The following VPS72 variants were observed in gnomAD, a reference collection of about 807,000 sequenced individuals.
VPS72 encodes the protein vacuolar protein sorting-associated protein 72 homolog.
VPS72 carries 27 observed loss-of-function variants against 38.9 expected under a neutral mutation model. The ratio of observed to expected loss-of-function variants is 0.69; its 90% CI spans 0.51 to 0.96. The LOEUF is 0.96. VPS72 is among the 40% of genes least tolerant of loss of function. The pLI, the probability that VPS72 is intolerant of heterozygous loss-of-function variation, is 0.00. For missense variants in VPS72, 360 were observed against 479.5 expected, an observed-to-expected ratio of 0.75 and a Z score of 2.33; for synonymous variants, 173 against 186.3, an observed-to-expected ratio of 0.93 and a Z score of 0.58.
rs1300110397 is a variant in VPS72 at position 151,176,931 on chromosome 1, C to T, written c.808G>A (p.Asp270Asn). ...RCSRTFITFSDDATFEEWFPQ... is the reference protein window; with the variant it reads ...RCSRTFITFSNDATFEEWFPQ... ...AACCATTCCTCGAAAGTTGCATCAT[C>T]ACTAAAAGTGATGAAGGTACGTGAG... The change falls in exon 6 of 6, where the codon GAT becomes AAT. Residue 270 changes from aspartate (D) to asparagine (N), a missense_variant. Coordinates refer to ENST00000368892, the MANE Select transcript of VPS72 (RefSeq NM_005997.3). The T allele has an allele frequency of 1.2e-6, 2 of 1,613,596 alleles. No homozygotes were observed. Among genetic ancestry groups the T allele is most frequent in the Non-Finnish European group, 1.7e-6 (2 of 1,179,720 alleles).
intron 2 of VPS72, 57 bp from the exon 3 acceptor site, chr1:151,185,677 G>A: frequency 2.5e-5 from 41 of 1,608,636 alleles, no homozygotes; most frequent in Non-Finnish European, 3.3e-5. Context: ...AGAAATATGA[G>A]GATCTCAATG....
rs587632948 is a variant in VPS72 at position 151,186,276 on chromosome 1, C to T, written c.118-326G>A. On this transcript the variant is annotated intron_variant, in intron 1 of 5. Coordinates refer to ENST00000368892, the MANE Select transcript of VPS72 (RefSeq NM_005997.3). The stretch of plus-strand genomic sequence containing the variant: ...TTTTTTTTTTTTGAGATGTGGATCT[C>T]GAACAGGCTTGGTGGCTCACGCCTG... 8.6e-5 allele frequency among the ~76,000 whole-genome samples: 13 copies of T among 151,310 alleles called. No individual in the cohort carries two copies. The South Asian group carries it at 1.9e-3, about 22-fold the overall frequency.
chr1:151,184,193 T>C, intron 4 of VPS72, 124 bp downstream of exon 4: 1 of 1,325,806 alleles, frequency 7.5e-7, no homozygotes, highest in Non-Finnish European at 1.0e-6. Flanking sequence ...CTCTCCGCCA[T>C]TTCTTCCTTC....
At chr1:151,186,008 G>C in intron 1 of VPS72, 58 bp from the exon 2 acceptor site, 1 of 1,589,732 alleles carries the variant, frequency 6.3e-7, no homozygotes, top group Non-Finnish European at 8.6e-7. Flanking sequence ...GCCCCTTCAG[G>C]AGGAACAGAA....
chr1:151,187,394 T>C (rs747824869), intron 1 of VPS72, among the ~76,000 whole-genome samples: 7 of 152,212 alleles, frequency 4.6e-5, no homozygotes, highest in Non-Finnish European at 8.8e-5. Context: ...TTTGCACTGA[T>C]GACCATCATT....
chr1:151,184,971 T>G (rs375193777), intron 3 of VPS72, among the ~76,000 whole-genome samples: 2 of 152,212 alleles, frequency 1.3e-5, no homozygotes, highest in East Asian at 3.8e-4. Flanking sequence ...GGTAATATTT[T>G]GGCCCTTTTG....
chr1:151,184,896 C>T (rs1684315538), intron 3 of VPS72, among the ~76,000 whole-genome samples: 1 of 151,984 alleles, frequency 6.6e-6, no homozygotes, highest in African/African-American at 2.4e-5. Context: ...GAAATAATTT[C>T]AAACCTACGA....
intron 4 of VPS72, among the ~76,000 whole-genome samples, chr1:151,181,246 CTTT>C (rs60085121): frequency 2.2e-5 from 3 of 136,008 alleles, no homozygotes; most frequent in South Asian, 2.3e-4. Flanking sequence ...TGTCACTTTA[CTTT>C]TTTTTTTTTT....
rs749126156 is a variant in VPS72, at chr1:151,178,016, T to G, written c.692A>C (p.Asn231Thr). 2.7e-5 allele frequency: 43 copies of G among 1,613,970 alleles called. 1 individual carries two copies. In the Admixed American group the frequency reaches 7.0e-4, roughly 26 times the overall value. ...ATTCACTCACCCTTCTATGTCAACG[T>G]TCTCTTCCTTGGGGCCTGGCTCCCC... ...LVGEPGPKEE[N>T]VDIEGLDPAP... The change falls in exon 5 of 6, where the codon AAC (asparagine) becomes ACC (threonine). Residue 231 changes from asparagine to threonine, a missense_variant. Physicochemically the swap from Asn to Thr is moderately conservative, Grantham distance 65. This residue lies in a region of VPS72 where 294 missense variants were observed against 356.3 expected (regional missense o/e 0.83). Transcript: ENST00000368892.
rs904265316 is a variant in VPS72, at chr1:151,176,388, C to T, written c.*256G>A. 33 of 500,862 alleles carry T rather than the reference C, an allele frequency of 6.6e-5. No individual in the cohort carries two copies. The highest frequency in any genetic ancestry group is 3.1e-4 in the African/African-American group (16 of 52,112). The allele number at this position is 500,862 out of a possible 1,614,324, so 31.0% of individuals were successfully genotyped here. On this transcript the variant is annotated 3_prime_UTR_variant, in exon 6 of 6. Coordinates refer to ENST00000368892, the MANE Select transcript of VPS72 (RefSeq NM_005997.3). ...AAGGACAGCTCATAATAAATGCTAT[C>T]GAATAAAGACCCAAATATATGCAGG...
chr1:151,185,664 A>G, intron 2 of VPS72, 44 bp from the exon 3 acceptor site: 1 of 1,611,736 alleles, frequency 6.2e-7, no homozygotes, highest in Non-Finnish European at 8.5e-7. Flanking sequence ...AGAAGAAGTC[A>G]GGAGAAATAT....
chr1:151,189,894 A>C, intron 1 of VPS72, 111 bp downstream of exon 1: 23 of 1,213,356 alleles, frequency 1.9e-5, no homozygotes, highest in South Asian at 8.9e-5. Flanking sequence ...CTCGAGTATC[A>C]GCTCCCAGAG....
chr1:151,189,900 C>T, intron 1 of VPS72, 105 bp downstream of exon 1: 1 of 1,345,374 alleles, frequency 7.4e-7, no homozygotes, highest in Admixed American at 1.9e-5. Flanking sequence ...TATCAGCTCC[C>T]AGAGCTCCTC....
Position 151,182,091 on chromosome 1 carries a change from G to A in VPS72, c.562+2226C>T, listed in dbSNP as rs587766870. On this transcript the variant is annotated intron_variant, in intron 4 of 5. Transcript: ENST00000368892. ...TACCCAGGCTGGAGTGCAATGGCAC[G>A]ATCTCGGCTCACCGCAACCCCCGCC... Among the ~76,000 whole-genome samples, 6 of 152,110 alleles carry A rather than the reference G, an allele frequency of 3.9e-5. No individual in the cohort carries two copies. The South Asian group carries it at 1.0e-3, about 26-fold the overall frequency.
intron 1 of VPS72, 75 bp from the exon 2 acceptor site, chr1:151,186,025 G>T: frequency 1.3e-6 from 2 of 1,546,466 alleles, no homozygotes; most frequent in South Asian, 2.4e-5. Context: ...AGAATCTCTC[G>T]ACTTTCTTGA....
chr1:151,181,607 T>C (rs1343273232), intron 4 of VPS72, among the ~76,000 whole-genome samples: 1 of 152,120 alleles, frequency 6.6e-6, no homozygotes, highest in Non-Finnish European at 1.5e-5. Context: ...TCAGTCACTC[T>C]CCTGTCAATA....
intron 4 of VPS72, among the ~76,000 whole-genome samples, chr1:151,180,402 C>G (rs1270671198): frequency 6.6e-6 from 1 of 151,986 alleles, no homozygotes; most frequent in Non-Finnish European, 1.5e-5. Flanking sequence ...ACTGCTTTCT[C>G]TCCTTTGAGC....
At chr1:151,184,205 G>C (rs1684298501) in intron 4 of VPS72, 112 bp downstream of exon 4, 1 of 1,409,220 alleles carries the variant, frequency 7.1e-7, no homozygotes, top group African/African-American at 1.4e-5. Flanking sequence ...TCTTCCTTCT[G>C]ATTCCATCAT....
At chr1:151,182,704 A>G (rs929735676) in intron 4 of VPS72, among the ~76,000 whole-genome samples, 2 of 152,158 alleles carry the variant, frequency 1.3e-5, no homozygotes, top group Non-Finnish European at 1.5e-5. Context: ...TCATCGTCTC[A>G]GCAGCAATTA....
Sources: allele counts gnomAD v4.1 joint callset (sites outside exome capture counted in the v4.1 genomes callset), GRCh38; gene constraint gnomAD v4.1.1; regional missense constraint gnomAD v4.1.1; transcripts MANE v1.5; gene names NCBI Gene and HGNC (gene_info 2026-07-23, HGNC 2026-07-21).